ATP2B2: variants seen among roughly 807,000 people sequenced by gnomAD.
ATP2B2 encodes the protein ATPase plasma membrane Ca2+ transporting 2.
A neutral mutation model predicts 120.0 loss-of-function variants in ATP2B2; 15 were observed. That is an observed-to-expected ratio of 0.12 (90% CI 0.08 to 0.19). The LOEUF is 0.19. Ranked by LOEUF, ATP2B2 falls within the 10% of genes least tolerant of loss-of-function variation. ATP2B2 has a pLI of 1.00. For missense variants in ATP2B2, 1,045 were observed against 1,719.8 expected (o/e 0.61, Z 6.94); for synonymous variants, 694 against 700.3 (o/e 0.99, Z 0.14).
At chr3:10,599,791 G>T (rs933641880) in intron 2 of ATP2B2, among the ~76,000 whole-genome samples, 1 of 120,936 alleles carries the variant, frequency 8.3e-6, no homozygotes, top group African/African-American at 3.2e-5. Context: ...AATGGAGCTC[G>T]TGTTCTATAA....
intron 12 of ATP2B2, 38 bp from the exon 13 acceptor site, chr3:10,360,161 G>T (rs2060856378): frequency 1.9e-6 from 3 of 1,550,056 alleles, no homozygotes; most frequent in Non-Finnish European, 2.6e-6. Flanking sequence ...ACCTGGTGGG[G>T]CCTGTGTCGG....
At chr3:10,377,641 A>G (rs6764848) in intron 10 of ATP2B2, among the ~76,000 whole-genome samples, 8,343 of 152,310 alleles carry the variant, frequency 0.055, 745 homozygotes, top group African/African-American at 0.19. Flanking sequence ...GCGGGGGCTC[A>G]GACCATGGGT....
At chr3:10,539,345 C>T (rs902254273) in intron 2 of ATP2B2, among the ~76,000 whole-genome samples, 2 of 152,190 alleles carry the variant, frequency 1.3e-5, no homozygotes, top group African/African-American at 4.8e-5. Flanking sequence ...CTACCAATGA[C>T]TTTCTTCACA....
chr3:10,513,527 C>T (rs772341911), intron 3 of ATP2B2, among the ~76,000 whole-genome samples: 6 of 152,082 alleles, frequency 3.9e-5, no homozygotes, highest in Non-Finnish European at 8.8e-5. Flanking sequence ...GAGGGCCCTG[C>T]GTGTAACAGC....
rs150227920 is a variant in ATP2B2 at position 10,465,828 on chromosome 3, G to A, written c.-319-15966C>T. On this transcript the variant is annotated intron_variant, in intron 1 of 22. Transcript: ENST00000360273. Reference sequence around the variant, plus strand: ...GTGCTAGGTTGGGGGGCGTGTGCAGGTGTGTGCATCTCTAGTGGCTGACCC... The same window carrying A: ...GTGCTAGGTTGGGGGGCGTGTGCAGATGTGTGCATCTCTAGTGGCTGACCC... Among the ~76,000 whole-genome samples the A allele has an allele frequency of 9.6e-3, 1,466 of 152,308 alleles. 10 individuals carry two copies. The highest frequency in any genetic ancestry group is 0.014 in the Middle Eastern group (4 of 294).
intron 1 of ATP2B2, among the ~76,000 whole-genome samples, chr3:10,451,296 C>T (rs192489625): frequency 1.8e-3 from 275 of 152,318 alleles, no homozygotes; most frequent in Non-Finnish European, 3.2e-3. Context: ...CTGTGCCAGG[C>T]AGCCGCTAAG....
At chr3:10,535,090 A>G (rs1426056516) in intron 2 of ATP2B2, among the ~76,000 whole-genome samples, 1 of 151,734 alleles carries the variant, frequency 6.6e-6, no homozygotes, top group East Asian at 1.9e-4. Context: ...ATTTTAGTAG[A>G]GATGGGGTTT....
chr3:10,388,740 C>G (rs2061757168), intron 5 of ATP2B2, among the ~76,000 whole-genome samples: 2 of 152,178 alleles, frequency 1.3e-5, no homozygotes, highest in African/African-American at 4.8e-5. Context: ...ACATCAAACT[C>G]CAGGAGTGTT....
chr3:10,355,076 C>T (rs1387777586), intron 14 of ATP2B2, among the ~76,000 whole-genome samples: 1 of 151,414 alleles, frequency 6.6e-6, no homozygotes, highest in Non-Finnish European at 1.5e-5. Flanking sequence ...AATGACCTAC[C>T]TAAAAAACAA....
Position 10,404,474 on chromosome 3 carries a change from G to T in ATP2B2, c.398-2126C>A, listed in dbSNP as rs182868957. Among the ~76,000 whole-genome samples the T allele has an allele frequency of 2.6e-5, 4 of 152,308 alleles. No homozygotes were observed. The East Asian group carries it at 7.7e-4, about 29-fold the overall frequency. Reference sequence around the variant, plus strand: ...GTTTTTCTCATCTGCAAAATGGCAGGTGCTCTCTCATAAGGTGGTTGAGAG... The same window carrying T: ...GTTTTTCTCATCTGCAAAATGGCAGTTGCTCTCTCATAAGGTGGTTGAGAG... On this transcript the variant is annotated intron_variant, in intron 3 of 22. Coordinates refer to ENST00000360273, the MANE Select transcript of ATP2B2 (RefSeq NM_001001331.4).
chr3:10,511,346 G>A (rs2066757678), intron 3 of ATP2B2, among the ~76,000 whole-genome samples: 1 of 152,102 alleles, frequency 6.6e-6, no homozygotes, highest in South Asian at 2.1e-4. Flanking sequence ...ATCTGGCTGG[G>A]GTACTCCCCA....
intron 16 of ATP2B2, among the ~76,000 whole-genome samples, chr3:10,348,744 T>C (rs1389824294): frequency 6.6e-6 from 1 of 152,242 alleles, no homozygotes; most frequent in African/African-American, 2.4e-5. Context: ...ATGCCAGCAG[T>C]GCAGCCTTTT....
Position 10,360,181 on chromosome 3 carries a change from C to T in ATP2B2, c.1660-58G>A, listed in dbSNP as rs921035981. The T allele has an allele frequency of 5.2e-6, 8 of 1,525,992 alleles. No homozygotes were observed. In the African/African-American group the frequency reaches 8.2e-5, roughly 16 times the overall value. 94.5% of individuals were successfully genotyped at this position (1,525,992 alleles called of 1,614,324 possible). A position where few individuals can be genotyped will look rare whatever the true frequency, so the allele number is the denominator to read the frequency against. On this transcript the variant is annotated intron_variant, in intron 12 of 22. Transcript: ENST00000360273. ...GTGGGGCCTGTGTCGGGAGCCTCTG[C>T]CCTGGCTGCCACTGAGGCTCTGGGA...
intron 3 of ATP2B2, among the ~76,000 whole-genome samples, chr3:10,529,067 T>C (rs1486026848): frequency 6.6e-6 from 1 of 152,230 alleles, no homozygotes; most frequent in Admixed American, 6.5e-5. Flanking sequence ...GATGGGCTCA[T>C]GTCTCTGTGC....
chr3:10,343,421 C>G lies in ATP2B2; in HGVS notation c.2704-456G>C, dbSNP rs2125383083. ...CCCCCACCCCCCCAATGTCTCCTCCCCTCTTATCCCGCCTTACCTTAAAAA... is the reference window on the plus strand; with the variant it reads ...CCCCCACCCCCCCAATGTCTCCTCCGCTCTTATCCCGCCTTACCTTAAAAA... On this transcript the variant is annotated intron_variant, in intron 18 of 22. Coordinates refer to ENST00000360273, the MANE Select transcript of ATP2B2 (RefSeq NM_001001331.4). The surrounding 1 kb of genome is among the most constrained non-coding windows in gnomAD (Gnocchi z 4.2). Among the ~76,000 whole-genome samples the G allele has an allele frequency of 6.6e-6, 1 of 151,766 alleles. No homozygotes were observed. Among genetic ancestry groups the G allele is most frequent in the Non-Finnish European group, 1.5e-5 (1 of 67,868 alleles).
At chr3:10,469,466 T>C (rs2064890239) in intron 1 of ATP2B2, among the ~76,000 whole-genome samples, 2 of 152,078 alleles carry the variant, frequency 1.3e-5, no homozygotes, top group Non-Finnish European at 2.9e-5. Flanking sequence ...GCTAGGTAAA[T>C]ATAAGGGTGA....
chr3:10,404,499 G>T (rs916628172), intron 3 of ATP2B2, among the ~76,000 whole-genome samples: 2 of 152,230 alleles, frequency 1.3e-5, no homozygotes, highest in African/African-American at 2.4e-5. Flanking sequence ...GTGGTTGAGA[G>T]GATTAAGAGA....
chr3:10,436,866 C>A (rs2063495963), intron 2 of ATP2B2, among the ~76,000 whole-genome samples: 1 of 152,186 alleles, frequency 6.6e-6, no homozygotes, highest in Non-Finnish European at 1.5e-5. Context: ...ATGTTTCCTG[C>A]CAGCCCCTTT....
At chr3:10,506,227 C>T (rs996751051), upstream of ATP2B2, among the ~76,000 whole-genome samples, 1 of 151,984 alleles carries the variant, frequency 6.6e-6, no homozygotes, top group Non-Finnish European at 1.5e-5. Context: ...TCTCTGCTGC[C>T]CTGAAGCGCT....
Sources: gnomAD v4.1 joint callset for allele counts (sites outside exome capture counted in the v4.1 genomes callset) on GRCh38, gnomAD v4.1.1 for gene constraint, Gnocchi (gnomAD v3.1) non-coding constraint, MANE v1.5 for transcripts, NCBI Gene and HGNC (gene_info 2026-07-23, HGNC 2026-07-21) for gene names.